Variants in LARP4 observed in about 807,000 individuals in gnomAD.
LARP4 encodes La ribonucleoprotein 4.
LARP4 carries 29 observed loss-of-function variants against 92.9 expected under a neutral mutation model. The observed-to-expected ratio is 0.31, with a 90% CI of 0.23 to 0.43. LARP4 has a LOEUF of 0.43. LARP4 is among the 20% of genes least tolerant of loss of function. LARP4 has a pLI of 1.00. For synonymous variants in LARP4, 279 were observed against 284.1 expected (o/e 0.98, Z 0.18); for missense variants, 732 against 860.0 (o/e 0.85, Z 1.86).
chr12:50,413,311 G>A (rs1220879099), intron 1 of LARP4, among the ~76,000 whole-genome samples: 1 of 152,054 alleles, frequency 6.6e-6, no homozygotes, highest in Non-Finnish European at 1.5e-5. Context: ...CCAGCCATCA[G>A]TTAACTTATT....
At chr12:50,439,159 A>G (rs749638837) in intron 6 of LARP4, among the ~76,000 whole-genome samples, 14 of 152,014 alleles carry the variant, frequency 9.2e-5, no homozygotes, top group Non-Finnish European at 2.1e-4. Context: ...GGCTGTTCTC[A>G]AGCCTCTGCG....
intron 1 of LARP4, among the ~76,000 whole-genome samples, chr12:50,407,128 C>T (rs1384666188): frequency 6.6e-6 from 1 of 151,852 alleles, no homozygotes; most frequent in Non-Finnish European, 1.5e-5. Context: ...TGGGTTCAAG[C>T]GATTCTTCTG....
rs781320632 is a variant in LARP4 at position 50,475,643 on chromosome 12, G to A, written c.1954G>A (p.Glu652Lys). 6.2e-6 allele frequency: 10 copies of A among 1,614,044 alleles called. No homozygotes were observed. The South Asian group carries it at 7.7e-5, about 12-fold the overall frequency. The change falls in exon 16 of 16, where the codon GAA becomes AAA. Residue 652 changes from glutamate to lysine, a missense_variant. Coordinates refer to ENST00000398473, the MANE Select transcript of LARP4 (RefSeq NM_052879.5). ...RSNVVSPTKN[E>K]DNGAPENSVE... ...CAATGTGGTGTCTCCCACCAAAAAT[G>A]AAGACAATGGAGCTCCTGAGAACTC...
At chr12:50,439,137 C>T (rs1373401802) in intron 6 of LARP4, among the ~76,000 whole-genome samples, 1 of 152,068 alleles carries the variant, frequency 6.6e-6, no homozygotes, top group Non-Finnish European at 1.5e-5. Flanking sequence ...TGGGGTTTTG[C>T]CATGTTGCCT....
intron 4 of LARP4, among the ~76,000 whole-genome samples, chr12:50,432,345 A>G (rs893595061): frequency 6.6e-6 from 1 of 152,210 alleles, no homozygotes; most frequent in Non-Finnish European, 1.5e-5. Context: ...CTTCAATCCA[A>G]TCAGGAACTG....
chr12:50,437,210 G>T (rs1593088491), intron 5 of LARP4, among the ~76,000 whole-genome samples: 1 of 152,200 alleles, frequency 6.6e-6, no homozygotes, highest in South Asian at 2.1e-4. Flanking sequence ...TGGCTTTTGG[G>T]TCTCTGTAGT....
intron 10 of LARP4, among the ~76,000 whole-genome samples, chr12:50,456,622 A>C (rs996727123): frequency 1.3e-5 from 2 of 152,182 alleles, no homozygotes; most frequent in African/African-American, 4.8e-5. Context: ...ACTAACTTTC[A>C]GAAATCCAGG....
intron 8 of LARP4, among the ~76,000 whole-genome samples, chr12:50,445,668 G>A (rs1951897322): frequency 6.6e-6 from 1 of 151,834 alleles, no homozygotes; most frequent in Non-Finnish European, 1.5e-5. Flanking sequence ...TGTGGATTTG[G>A]GTTCATCTTC....
intron 8 of LARP4, among the ~76,000 whole-genome samples, chr12:50,444,795 T>C (rs529353515): frequency 6.6e-6 from 1 of 152,344 alleles, no homozygotes; most frequent in South Asian, 2.1e-4. Flanking sequence ...GTGATTTCTA[T>C]GCCTGAAAAT....
intron 1 of LARP4, among the ~76,000 whole-genome samples, chr12:50,418,513 GGA>G (rs1947224756): frequency 1.3e-5 from 2 of 152,112 alleles, no homozygotes; most frequent in South Asian, 4.1e-4. Flanking sequence ...TTGACCTCCT[GGA>G]CTTAAGTGAT....
intron 10 of LARP4, among the ~76,000 whole-genome samples, chr12:50,455,908 G>T (rs1954141936): frequency 6.6e-6 from 1 of 152,040 alleles, no homozygotes. Context: ...TTAGCTGGGC[G>T]TGGTGGTGTA....
chr12:50,477,469 A>G lies in LARP4; in HGVS notation c.*1605A>G, dbSNP rs1957613706. ...GAACACTGGAAAGCACCATTGTGACATAGAGTAAACATCTTAGTAATATAT... is the reference window on the plus strand; with the variant it reads ...GAACACTGGAAAGCACCATTGTGACGTAGAGTAAACATCTTAGTAATATAT... On this transcript the variant is annotated 3_prime_UTR_variant, in exon 16 of 16. Transcript: ENST00000398473. 1 of 152,566 alleles carries G rather than the reference A, an allele frequency of 6.6e-6. No individual in the cohort carries two copies. Among genetic ancestry groups the G allele is most frequent in the Non-Finnish European group, 1.5e-5 (1 of 67,988 alleles). The allele number at this position is 152,566 out of a possible 1,614,324, so 9.5% of individuals were successfully genotyped here.
chr12:50,473,655 C>T (rs1308594292), intron 14 of LARP4, 119 bp downstream of exon 14: 19 of 1,021,604 alleles, frequency 1.9e-5, no homozygotes, highest in Middle Eastern at 6.0e-4. Flanking sequence ...CACCTGAGGT[C>T]GGGAGTTCAA....
chr12:50,437,947 G>A (rs865965946), intron 6 of LARP4, 109 bp downstream of exon 6: 23 of 619,828 alleles, frequency 3.7e-5, no homozygotes, highest in Admixed American at 5.7e-5. Context: ...CACAAGCAAA[G>A]CATAAGTCAG....
chr12:50,425,492 A>G lies in LARP4; in HGVS notation c.19-2270A>G, dbSNP rs571911552. 5.3e-5 allele frequency among the ~76,000 whole-genome samples: 8 copies of G among 152,292 alleles called. No individual in the cohort carries two copies. In the South Asian group the frequency reaches 1.7e-3, roughly 32 times the overall value. On this transcript the variant is annotated intron_variant, in intron 1 of 15. Transcript: ENST00000398473. ...CCTATTGAAAAATGCTTAATGTCAA[A>G]TACTGTTGACATGGCAGGAGAGCTT...
At chr12:50,406,637 T>G (rs1944896445) in intron 1 of LARP4, among the ~76,000 whole-genome samples, 1 of 152,064 alleles carries the variant, frequency 6.6e-6, no homozygotes, top group Admixed American at 6.6e-5. Flanking sequence ...GCCTCCTGAG[T>G]AGCTGGGACT....
rs1033070930 is a variant in LARP4, at chr12:50,475,829, A to G, written c.2140A>G (p.Lys714Glu). 2.4e-5 allele frequency: 38 copies of G among 1,613,958 alleles called. 1 individual carries two copies. Among genetic ancestry groups the G allele is most frequent in the South Asian group, 1.1e-5 (1 of 91,076 alleles). The change falls in exon 16 of 16, where the codon AAA becomes GAA. Residue 714 changes from lysine (K) to glutamate (E), a missense_variant. Lys to Glu is a moderately conservative substitution (Grantham distance 56). Coordinates refer to ENST00000398473, the MANE Select transcript of LARP4 (RefSeq NM_052879.5). ...IPQGVTRRNG[K>E]EQYVPPRSPK ...TCAGGGAGTGACTCGACGTAATGGC[A>G]AAGAGCAATATGTGCCACCCAGATC...
chr12:50,472,304 A>G (rs1397581214), intron 13 of LARP4, among the ~76,000 whole-genome samples: 1 of 152,200 alleles, frequency 6.6e-6, no homozygotes, highest in East Asian at 1.9e-4. Flanking sequence ...CTAAAACTCT[A>G]TACCTATTAA....
chr12:50,408,875 G>A (rs1161919744), intron 1 of LARP4, among the ~76,000 whole-genome samples: 2 of 152,108 alleles, frequency 1.3e-5, no homozygotes, highest in African/African-American at 4.8e-5. Context: ...GGTGGGCGTG[G>A]CTCATACCTG....
Sources: gnomAD v4.1 joint callset for allele counts (sites outside exome capture counted in the v4.1 genomes callset) on GRCh38, gnomAD v4.1.1 for gene constraint, MANE v1.5 for transcripts, NCBI Gene and HGNC (gene_info 2026-07-23, HGNC 2026-07-21) for gene names.